The following GALNTL6 variants were observed in gnomAD, a reference collection of about 807,000 sequenced individuals.
The protein encoded by GALNTL6 is polypeptide N-acetylgalactosaminyltransferase like 6.
A neutral mutation model predicts 73.7 loss-of-function variants in GALNTL6; 46 were observed. The ratio of observed to expected loss-of-function variants is 0.62; its 90% CI spans 0.49 to 0.80. The LOEUF (loss-of-function observed/expected upper bound fraction) is 0.80. GALNTL6 is among the 30% of genes least tolerant of loss of function. The pLI is 0.00. For synonymous variants in GALNTL6, 259 were observed against 263.7 expected (o/e 0.98, Z 0.17); for missense variants, 604 against 755.0 (o/e 0.80, Z 2.34).
chr4:171,989,259 AGGG>A (rs1740245860), intron 2 of GALNTL6, among the ~76,000 whole-genome samples: 2 of 152,132 alleles, frequency 1.3e-5, no homozygotes, highest in Non-Finnish European at 2.9e-5. Context: ...GTGATGGTCT[AGGG>A]GGCTTCTGAG....
intron 5 of GALNTL6, among the ~76,000 whole-genome samples, chr4:172,768,280 C>T (rs1211480776): frequency 1.3e-5 from 2 of 152,088 alleles, no homozygotes; most frequent in Non-Finnish European, 2.9e-5. Flanking sequence ...AGAGAAGAGG[C>T]AGACAAATTA....
intron 8 of GALNTL6, among the ~76,000 whole-genome samples, chr4:172,928,063 A>G (rs1356663723): frequency 6.6e-6 from 1 of 152,242 alleles, no homozygotes; most frequent in Non-Finnish European, 1.5e-5. Context: ...TAATTTCTTT[A>G]TAGAACAAGA....
chr4:172,555,632 T>C (rs936905168), intron 5 of GALNTL6, among the ~76,000 whole-genome samples: 1 of 151,852 alleles, frequency 6.6e-6, no homozygotes, highest in African/African-American at 2.4e-5. Flanking sequence ...ACAAATAGAG[T>C]AAGTTTGAAA....
intron 2 of GALNTL6, among the ~76,000 whole-genome samples, chr4:172,038,621 G>A (rs1282825798): frequency 1.3e-5 from 2 of 152,104 alleles, no homozygotes; most frequent in African/African-American, 4.8e-5. Context: ...ATCACGATCC[G>A]TTACCAGCCC....
chr4:172,314,216 A>G (rs1740464727), intron 4 of GALNTL6, among the ~76,000 whole-genome samples: 1 of 152,224 alleles, frequency 6.6e-6, no homozygotes, highest in Admixed American at 6.5e-5. Context: ...TATAGAATAG[A>G]ATGCAAACTT....
rs186862864 is a variant in GALNTL6 at position 172,224,810 on chromosome 4, T to C, written c.139-4846T>C. On this transcript the variant is annotated intron_variant, in intron 2 of 12. Coordinates refer to ENST00000506823, the MANE Select transcript of GALNTL6 (RefSeq NM_001034845.3). The stretch of plus-strand genomic sequence containing the variant: ...AAGTGTTTTAATTTTTTACCTCTGG[T>C]AAATACATTGCCCTTGAGTAATGTT... 4.5e-4 allele frequency among the ~76,000 whole-genome samples: 69 copies of C among 152,274 alleles called. 1 individual carries two copies. In the Middle Eastern group the frequency reaches 0.014, roughly 30 times the overall value.
intron 5 of GALNTL6, among the ~76,000 whole-genome samples, chr4:172,669,659 ATTTTTTG>A (rs1464391942): frequency 6.6e-6 from 1 of 151,798 alleles, no homozygotes; most frequent in African/African-American, 2.4e-5. Flanking sequence ...TTTTATTTTT[ATTTTTTG>A]TTTTTTAACT....
intron 2 of GALNTL6, among the ~76,000 whole-genome samples, chr4:171,857,013 C>G (rs941198702): frequency 9.9e-5 from 15 of 152,210 alleles, no homozygotes; most frequent in African/African-American, 3.4e-4. Flanking sequence ...AATTTATCAT[C>G]TAGTGGGGTT....
At chr4:172,286,311 C>G (rs1312541705) in intron 3 of GALNTL6, among the ~76,000 whole-genome samples, 1 of 151,904 alleles carries the variant, frequency 6.6e-6, no homozygotes, top group South Asian at 2.1e-4. Flanking sequence ...GTGTGATGAA[C>G]GAGGTCTTTA....
chr4:172,062,012 G>A (rs1261283731), intron 2 of GALNTL6, among the ~76,000 whole-genome samples: 2 of 142,950 alleles, frequency 1.4e-5, no homozygotes, highest in Non-Finnish European at 3.0e-5. Context: ...GCAATGGCAC[G>A]ATCTTGGCTC....
chr4:172,575,950 G>A (rs1195728288), intron 5 of GALNTL6, among the ~76,000 whole-genome samples: 1 of 152,180 alleles, frequency 6.6e-6, no homozygotes, highest in Non-Finnish European at 1.5e-5. Context: ...GCAATGCAGT[G>A]TTGTTGACTG....
In GALNTL6 at chr4:171,850,873, A is replaced by G. The variant is rs149883005; in HGVS notation, c.138+36155A>G. ...TTTTAGATTTAGTTTACACTACTGA[A>G]TGCTACAAACCATTCCAGGAGCTAT... On this transcript the variant is annotated intron_variant, in intron 2 of 12. Coordinates refer to ENST00000506823, the MANE Select transcript of GALNTL6 (RefSeq NM_001034845.3). Among the ~76,000 whole-genome samples the G allele has an allele frequency of 1.9e-3, 294 of 152,286 alleles. 1 individual carries two copies. The highest frequency in any genetic ancestry group is 6.5e-3 in the African/African-American group (268 of 41,536).
chr4:172,252,766 C>T (rs1185878140), intron 3 of GALNTL6, among the ~76,000 whole-genome samples: 1 of 151,900 alleles, frequency 6.6e-6, no homozygotes, highest in African/African-American at 2.4e-5. Context: ...GTAACATCTT[C>T]TTAGAAGCAG....
Position 172,463,461 on chromosome 4 carries a change from G to A in GALNTL6, c.553+114772G>A, listed in dbSNP as rs192228515. Among the ~76,000 whole-genome samples, 374 of 152,098 alleles carry A rather than the reference G, an allele frequency of 2.5e-3. 2 individuals are homozygous for A. Among genetic ancestry groups the A allele is most frequent in the African/African-American group, 8.5e-3 (354 of 41,492 alleles). ...TATGTAGCCAGAAAAAGTGAAATACGCTTAGAATACAAGCAAGAAATTGAC... is the reference window on the plus strand; with the variant it reads ...TATGTAGCCAGAAAAAGTGAAATACACTTAGAATACAAGCAAGAAATTGAC... On this transcript the variant is annotated intron_variant, in intron 5 of 12. Coordinates refer to ENST00000506823, the MANE Select transcript of GALNTL6 (RefSeq NM_001034845.3).
At chr4:172,154,068 A>C (rs1173989214) in intron 2 of GALNTL6, among the ~76,000 whole-genome samples, 1 of 149,558 alleles carries the variant, frequency 6.7e-6, no homozygotes, top group East Asian at 2.0e-4. Context: ...TCATTTTCAG[A>C]GTACTTTATT....
At chr4:172,907,236 A>G (rs1162359305) in intron 8 of GALNTL6, among the ~76,000 whole-genome samples, 1 of 152,194 alleles carries the variant, frequency 6.6e-6, no homozygotes, top group Non-Finnish European at 1.5e-5. Flanking sequence ...ATCAGAAAAG[A>G]AAGAAATTCT....
intron 5 of GALNTL6, among the ~76,000 whole-genome samples, chr4:172,622,500 T>C (rs932016309): frequency 2.0e-5 from 3 of 152,220 alleles, no homozygotes; most frequent in African/African-American, 7.2e-5. Context: ...AGAAAAATTA[T>C]GTCCCACTTA....
rs1737276900 is a variant in GALNTL6 at position 171,906,333 on chromosome 4, A to T, written c.138+91615A>T. On this transcript the variant is annotated intron_variant, in intron 2 of 12. Coordinates refer to ENST00000506823, the MANE Select transcript of GALNTL6 (RefSeq NM_001034845.3). ...GAATATCACCACCGATCCCACAGAA[A>T]TACAAACTACCATCAGAGAATACTA... Among the ~76,000 whole-genome samples, 4 of 151,494 alleles carry T rather than the reference A, an allele frequency of 2.6e-5. No homozygotes were observed. The South Asian group carries it at 8.3e-4, about 31-fold the overall frequency.
chr4:172,436,658 G>A (rs1173624797), intron 5 of GALNTL6, among the ~76,000 whole-genome samples: 2 of 151,936 alleles, frequency 1.3e-5, no homozygotes, highest in Non-Finnish European at 2.9e-5. Flanking sequence ...TTTTCTTCTG[G>A]TTCTACCACT....
Sources: allele counts gnomAD v4.1 joint callset (sites outside exome capture counted in the v4.1 genomes callset), GRCh38; gene constraint gnomAD v4.1.1; transcripts MANE v1.5; gene names NCBI Gene and HGNC (gene_info 2026-07-23, HGNC 2026-07-21).